The following BCOR variants were observed in gnomAD, a reference collection of about 807,000 sequenced individuals.
BCOR encodes BCL-6 corepressor.
Under a neutral mutation model 86.7 loss-of-function variants are expected in BCOR, and 10 were observed. That is an observed-to-expected ratio of 0.12 (90% CI 0.07 to 0.20). BCOR has a LOEUF of 0.20. Among genes scored for constraint, BCOR ranks in the 10% least tolerant of loss-of-function variants. The probability of loss-of-function intolerance (pLI) is 1.00; values close to 1 mark genes in which losing one functional copy is unlikely to be tolerated. For synonymous variants in BCOR, 611 were observed against 609.0 expected, an observed-to-expected ratio of 1.00 and a Z score of -0.05; for missense variants, 1,259 against 1,452.1, an observed-to-expected ratio of 0.87 and a Z score of 2.16.
chrX:40,116,630 T>C (rs909074281), intron 1 of BCOR, among the ~76,000 whole-genome samples: 3 of 112,086 alleles, frequency 2.7e-5, no homozygotes, highest in African/African-American at 9.7e-5. Context: ...CCCAGACTTA[T>C]TCATGCCGTC....
intron 3 of BCOR, 130 bp from the exon 4 acceptor site, chrX:40,075,310 C>CCG: frequency 6.8e-6 from 1 of 146,486 alleles, no homozygotes. Flanking sequence ...GACAGGCTTC[C>CCG]GGCGGGGCGG....
chrX:40,138,329 G>A (rs1369915022), intron 1 of BCOR, among the ~76,000 whole-genome samples: 2 of 111,817 alleles, frequency 1.8e-5, no homozygotes, highest in South Asian at 3.8e-4. Flanking sequence ...TGCTACTTAT[G>A]TGCTGAGCGT....
At chrX:40,082,055 T>A (rs1225238695) in intron 1 of BCOR, among the ~76,000 whole-genome samples, 1 of 112,631 alleles carries the variant, frequency 8.9e-6, no homozygotes, top group African/African-American at 3.2e-5. Flanking sequence ...TGAGAGCACC[T>A]GAGCTTGGCC....
chrX:40,075,941 T>C (rs1402298926), intron 3 of BCOR, among the ~76,000 whole-genome samples: 3 of 110,978 alleles, frequency 2.7e-5, no homozygotes, highest in Non-Finnish European at 5.7e-5. Flanking sequence ...TTCGCTTCAT[T>C]TCCCCTGGGT....
At chrX:40,083,052 G>T (rs1014915287) in intron 1 of BCOR, among the ~76,000 whole-genome samples, 1 of 107,810 alleles carries the variant, frequency 9.3e-6, no homozygotes. Context: ...CAGCAGCAGC[G>T]CTGTGCTCCG....
At chrX:40,158,168 G>A (rs1305524746) in intron 1 of BCOR, among the ~76,000 whole-genome samples, 1 of 112,304 alleles carries the variant, frequency 8.9e-6, no homozygotes, top group Non-Finnish European at 1.9e-5. Context: ...CGTCCAGGTA[G>A]GGCTCCGGGC....
At chrX:40,095,772 G>A (rs1936833531) in intron 1 of BCOR, among the ~76,000 whole-genome samples, 1 of 76,463 alleles carries the variant, frequency 1.3e-5, no homozygotes, top group Non-Finnish European at 2.3e-5. Context: ...CCGGCGGCGC[G>A]CGCCCTGGCG....
At chrX:40,103,713 CT>C (rs1937115456) in intron 1 of BCOR, among the ~76,000 whole-genome samples, 2 of 111,246 alleles carry the variant, frequency 1.8e-5, no homozygotes, top group African/African-American at 6.6e-5. Flanking sequence ...CAGAGACCTC[CT>C]TCCTCCCGGT....
chrX:40,114,015 C>T (rs991233291), intron 1 of BCOR, among the ~76,000 whole-genome samples: 6 of 111,320 alleles, frequency 5.4e-5, no homozygotes. Flanking sequence ...GACAGGGTTT[C>T]ACCATGTTGG....
In BCOR at chrX:40,052,027, T is replaced by C. The variant is rs1260437691; in HGVS notation, c.*82A>G. On this transcript the variant is annotated 3_prime_UTR_variant, in exon 15 of 15. Transcript: ENST00000378444. ...TATTTTCATATGTAATAGTGTCCTTTCTTTACAGAAATAGTTGTATTATGA... is the reference window on the plus strand; with the variant it reads ...TATTTTCATATGTAATAGTGTCCTTCCTTTACAGAAATAGTTGTATTATGA... 16 of 911,620 alleles carry C rather than the reference T, an allele frequency of 1.8e-5. No individual in the cohort carries two copies. The highest frequency in any genetic ancestry group is 1.6e-4 in the Admixed American group (4 of 24,360). The allele number at this position is 911,620 out of a possible 1,213,427, so 75.1% of individuals were successfully genotyped here.
intron 1 of BCOR, among the ~76,000 whole-genome samples, chrX:40,095,784 G>C (rs1936834602): frequency 1.2e-5 from 1 of 84,487 alleles, no homozygotes; most frequent in Non-Finnish European, 2.2e-5. Context: ...GCCCTGGCGC[G>C]CGGGCACTCA....
chrX:40,090,163 G>T (rs1016555344), intron 1 of BCOR, among the ~76,000 whole-genome samples: 2 of 112,914 alleles, frequency 1.8e-5, no homozygotes, highest in Non-Finnish European at 3.8e-5. Context: ...GGACACTCGG[G>T]CTTCCCGGCC....
rs750513257 is a variant in BCOR, at chrX:40,073,573, T to C, written c.1773A>G (p.Thr591=). 1.7e-6 allele frequency: 2 copies of C among 1,210,637 alleles called. No homozygotes were observed. Among genetic ancestry groups the C allele is most frequent in the East Asian group, 5.9e-5 (2 of 33,823 alleles). Residue 591 remains threonine (T), a synonymous_variant, in exon 4 of 15, where the codon ACA becomes ACG. Transcript: ENST00000378444. ...TKTSRSSVET[T]PSVIQHVGQP... is the part of the protein sequence containing the mutation. ...GGCCCACGTGCTGAATAACGGATGGTGTGGTTTCTACAGAGCTCCTGCTGG... is the reference window on the plus strand; with the variant it reads ...GGCCCACGTGCTGAATAACGGATGGCGTGGTTTCTACAGAGCTCCTGCTGG...
intron 1 of BCOR, among the ~76,000 whole-genome samples, chrX:40,089,527 C>T (rs1936505083): frequency 9.0e-6 from 1 of 111,558 alleles, no homozygotes; most frequent in African/African-American, 3.3e-5. Flanking sequence ...TCTCCTGTAT[C>T]TAAGTCATCT....
chrX:40,085,029 G>A (rs1936292297), intron 1 of BCOR, among the ~76,000 whole-genome samples: 1 of 111,063 alleles, frequency 9.0e-6, no homozygotes, highest in Non-Finnish European at 1.9e-5. Flanking sequence ...TATAGATGGG[G>A]GCCCACGAAT....
chrX:40,102,723 C>T (rs1937095651), upstream of BCOR, among the ~76,000 whole-genome samples: 1 of 113,565 alleles, frequency 8.8e-6, no homozygotes, highest in Non-Finnish European at 1.9e-5. Context: ...CGAACCCCTT[C>T]GCGGTACCAC....
chrX:40,063,110 G>GGGGGTC, intron 8 of BCOR, 39 bp from the exon 9 acceptor site: 1 of 644,557 alleles, frequency 1.6e-6, no homozygotes, highest in East Asian at 5.7e-5. Flanking sequence ...GGGCGGATGG[G>GGGGGTC]AGACGGGAGA....
chrX:40,164,521 G>A (rs2148016852), intron 1 of BCOR, among the ~76,000 whole-genome samples: 1 of 112,054 alleles, frequency 8.9e-6, no homozygotes, highest in South Asian at 3.7e-4. Context: ...GTAGGACAGT[G>A]ACCTGTGTCT....
intron 1 of BCOR, among the ~76,000 whole-genome samples, chrX:40,128,115 C>T (rs1408064255): frequency 2.7e-5 from 3 of 110,470 alleles, no homozygotes; most frequent in Admixed American, 1.9e-4. Flanking sequence ...GTCCCAGCTA[C>T]TTGGGTGCCT....
Sources: allele counts gnomAD v4.1 joint callset (sites outside exome capture counted in the v4.1 genomes callset), GRCh38; gene constraint gnomAD v4.1.1; transcripts MANE v1.5; gene names NCBI Gene and HGNC (gene_info 2026-07-23, HGNC 2026-07-21).